Variants in GPR158 observed in about 807,000 individuals in gnomAD.
GPR158 encodes the protein metabotropic glycine receptor.
A neutral mutation model predicts 78.2 loss-of-function variants in GPR158; 30 were observed. The ratio of observed to expected loss-of-function variants is 0.38; its 90% confidence interval spans 0.29 to 0.52. The LOEUF (loss-of-function observed/expected upper bound fraction) is 0.52. Ranked by LOEUF, GPR158 falls within the 20% of genes least tolerant of loss-of-function variation. The pLI is 0.83. For missense variants in GPR158, 1,463 were observed against 1,523.5 expected (o/e 0.96, Z 0.66); for synonymous variants, 581 against 591.1 (o/e 0.98, Z 0.25).
At chr10:25,357,221 T>G (rs1410940502) in intron 2 of GPR158, among the ~76,000 whole-genome samples, 1 of 152,088 alleles carries the variant, frequency 6.6e-6, no homozygotes, top group East Asian at 1.9e-4. Context: ...GCATTCACTT[T>G]TATAAGGGGA....
intron 5 of GPR158, among the ~76,000 whole-genome samples, chr10:25,497,602 T>C (rs1326765190): frequency 6.6e-6 from 1 of 152,178 alleles, no homozygotes; most frequent in African/African-American, 2.4e-5. Context: ...AGAGAGTCTC[T>C]ATTCTCGGTA....
chr10:25,389,858 G>A (rs1168967041), intron 2 of GPR158, among the ~76,000 whole-genome samples: 3 of 152,154 alleles, frequency 2.0e-5, no homozygotes, highest in African/African-American at 4.8e-5. Flanking sequence ...GATATGGTTT[G>A]GCTTTATTCC....
intron 6 of GPR158, among the ~76,000 whole-genome samples, chr10:25,560,247 A>T (rs1003447408): frequency 6.6e-5 from 10 of 152,136 alleles, no homozygotes; most frequent in Non-Finnish European, 1.2e-4. Flanking sequence ...AGGATTTTTT[A>T]AAATATTTTT....
chr10:25,566,535 C>T (rs578154903), intron 6 of GPR158, among the ~76,000 whole-genome samples: 2 of 152,074 alleles, frequency 1.3e-5, no homozygotes, highest in African/African-American at 4.8e-5. Flanking sequence ...ATTCCGTCTA[C>T]CTTCAATTAG....
chr10:25,292,196 G>A (rs138446344), intron 2 of GPR158, among the ~76,000 whole-genome samples: 82 of 152,072 alleles, frequency 5.4e-4, no homozygotes, highest in African/African-American at 1.9e-3. Context: ...GGGGTGGGGG[G>A]TAGAAGTAGA....
At chr10:25,413,276 A>G (rs767427699) in intron 4 of GPR158, among the ~76,000 whole-genome samples, 1 of 152,214 alleles carries the variant, frequency 6.6e-6, no homozygotes, top group Non-Finnish European at 1.5e-5. Flanking sequence ...GACTACAGTG[A>G]GCTATGATCA....
intron 2 of GPR158, among the ~76,000 whole-genome samples, chr10:25,333,355 T>C (rs1458586359): frequency 6.6e-6 from 1 of 152,200 alleles, no homozygotes; most frequent in Non-Finnish European, 1.5e-5. Context: ...CTTCTGCATG[T>C]GGTCTTTCTC....
At position 25,508,680 on chromosome 10, in the gene GPR158, A is replaced by G. The variant is rs1445994952; in HGVS notation, c.1404+41961A>G. 2.0e-5 allele frequency among the ~76,000 whole-genome samples: 3 copies of G among 152,154 alleles called. No individual in the cohort carries two copies. In the South Asian group the frequency reaches 6.2e-4, roughly 32 times the overall value. ...GGTAGGGGAAGTCAGGTCAGCTGGC[A>G]TCTGGCAGGTCACCAGGGTCAATTG... On this transcript the variant is annotated intron_variant, in intron 5 of 10. Coordinates refer to ENST00000376351, the MANE Select transcript of GPR158 (RefSeq NM_020752.3).
chr10:25,260,954 A>C (rs1853960600), intron 2 of GPR158, among the ~76,000 whole-genome samples: 1 of 152,196 alleles, frequency 6.6e-6, no homozygotes, highest in Non-Finnish European at 1.5e-5. Context: ...CTATACCAGA[A>C]GGAGATTGTG....
chr10:25,535,871 A>C, intron 5 of GPR158, among the ~76,000 whole-genome samples: 1 of 152,204 alleles, frequency 6.6e-6, no homozygotes, highest in East Asian at 1.9e-4. Flanking sequence ...ATAAGACTAA[A>C]TAGATTGTTG....
intron 5 of GPR158, among the ~76,000 whole-genome samples, chr10:25,542,652 G>A (rs138681848): frequency 0.024 from 3,676 of 151,732 alleles, 70 homozygotes; most frequent in African/African-American, 0.049. Flanking sequence ...GTGAAACCCC[G>A]TCTCTACTAA....
intron 5 of GPR158, among the ~76,000 whole-genome samples, chr10:25,494,748 A>C (rs527340094): frequency 6.6e-6 from 1 of 152,260 alleles, no homozygotes; most frequent in South Asian, 2.1e-4. Context: ...CTGAATTTCT[A>C]ATTGTGCCTA....
At chr10:25,375,074 A>G (rs1834057521) in intron 2 of GPR158, among the ~76,000 whole-genome samples, 1 of 151,594 alleles carries the variant, frequency 6.6e-6, no homozygotes, top group South Asian at 2.1e-4. Flanking sequence ...CTTTTATTTT[A>G]GCCCTTTTCA....
intron 2 of GPR158, among the ~76,000 whole-genome samples, chr10:25,343,885 A>G (rs1442098581): frequency 6.6e-6 from 1 of 152,028 alleles, no homozygotes; most frequent in Non-Finnish European, 1.5e-5. Context: ...TCTCATTAAT[A>G]TTTCACAAAA....
chr10:25,450,977 G>GT (rs34735232), intron 4 of GPR158, among the ~76,000 whole-genome samples: 273 of 151,214 alleles, frequency 1.8e-3, no homozygotes, highest in African/African-American at 5.7e-3. Flanking sequence ...CTATATATGT[G>GT]TTTTTTTTTT....
chr10:25,296,498 C>T (rs1017283811), intron 2 of GPR158, among the ~76,000 whole-genome samples: 2 of 151,400 alleles, frequency 1.3e-5, no homozygotes, highest in South Asian at 4.2e-4. Context: ...TCTAATCTAT[C>T]TATTGATTGA....
At chr10:25,580,498 G>C (rs912553893) in intron 7 of GPR158, among the ~76,000 whole-genome samples, 1 of 152,092 alleles carries the variant, frequency 6.6e-6, no homozygotes, top group Non-Finnish European at 1.5e-5. Context: ...AATAGCAATT[G>C]TTTTTAAGGA....
intron 2 of GPR158, among the ~76,000 whole-genome samples, chr10:25,292,363 C>A (rs1854451441): frequency 6.6e-6 from 1 of 152,058 alleles, no homozygotes; most frequent in South Asian, 2.1e-4. Flanking sequence ...TTGGAATGAG[C>A]TGGTTGCTCC....
intron 2 of GPR158, among the ~76,000 whole-genome samples, chr10:25,274,632 G>A (rs542888883): frequency 2.5e-4 from 38 of 152,194 alleles, no homozygotes; most frequent in African/African-American, 9.2e-4. Context: ...CCACACTTAC[G>A]ATATATCTAA....
Sources: gnomAD v4.1 joint callset for allele counts (sites outside exome capture counted in the v4.1 genomes callset) on GRCh38, gnomAD v4.1.1 for gene constraint, MANE v1.5 for transcripts, NCBI Gene and HGNC (gene_info 2026-07-23, HGNC 2026-07-21) for gene names.